Variants in RABGAP1 observed in about 807,000 individuals in gnomAD.
The protein encoded by RABGAP1 is rab GTPase-activating protein 1.
In RABGAP1, 23 loss-of-function variants were observed where a neutral mutation model predicts 137.6. The ratio of observed to expected loss-of-function variants is 0.17; its 90% CI spans 0.12 to 0.24. The LOEUF is 0.24. RABGAP1 is among the 10% of genes least tolerant of loss of function. The pLI, the probability that RABGAP1 is intolerant of heterozygous loss-of-function variation, is 1.00. For synonymous variants in RABGAP1, 451 were observed against 450.7 expected, an observed-to-expected ratio of 1.00 and a Z score of -0.01; for missense variants, 906 against 1,275.8, an observed-to-expected ratio of 0.71 and a Z score of 4.42.
chr9:122,950,373 CTTTCTTT>C (rs1834165457), intron 1 of RABGAP1, among the ~76,000 whole-genome samples: 2 of 48,800 alleles, frequency 4.1e-5, no homozygotes, highest in Non-Finnish European at 8.0e-5. Flanking sequence ...TTTTCTTTTT[CTTTCTTT>C]TTTTTTTTTT....
chr9:123,041,835 TA>T (rs747955087), intron 13 of RABGAP1, among the ~76,000 whole-genome samples: 10 of 152,144 alleles, frequency 6.6e-5, no homozygotes, highest in Admixed American at 3.9e-4. Flanking sequence ...GCATAGAGAC[TA>T]AAAAACAAGA....
chr9:123,035,280 G>A, intron 13 of RABGAP1: 2 of 1,614,178 alleles, frequency 1.2e-6, no homozygotes, highest in East Asian at 4.5e-5. Context: ...AGAGTGGGGA[G>A]ACTGGGGAAG....
chr9:123,083,690 T>C (rs1027913267), intron 19 of RABGAP1, among the ~76,000 whole-genome samples: 3 of 152,202 alleles, frequency 2.0e-5, no homozygotes, highest in African/African-American at 7.2e-5. Context: ...TTATTTCCAT[T>C]GGTGAAGAAT....
At chr9:123,064,555 T>G (rs990405495) in intron 13 of RABGAP1, among the ~76,000 whole-genome samples, 1 of 152,246 alleles carries the variant, frequency 6.6e-6, no homozygotes, top group Non-Finnish European at 1.5e-5. Flanking sequence ...CCAAGGGGAA[T>G]CAACTCTATT....
At position 122,942,678 on chromosome 9, in the gene RABGAP1, A is replaced by AAAAC. The variant is rs1284745086; in HGVS notation, c.-50+1588_-50+1589insCAAA. Among the ~76,000 whole-genome samples, 9 of 151,172 alleles carry AAAAC rather than the reference A, an allele frequency of 6.0e-5. 1 individual carries two copies. Among genetic ancestry groups the AAAAC allele is most frequent in the African/African-American group, 2.2e-4 (9 of 41,306 alleles). ...GAGCGAGACTCCGTCTCAAAAAAAA[A>AAAAC]AAAAAAAAAACACAAAAAAACAAAA... On this transcript the variant is annotated intron_variant, in intron 1 of 25. Coordinates refer to ENST00000373647, the MANE Select transcript of RABGAP1 (RefSeq NM_012197.4).
rs116263938 is a variant in RABGAP1, at chr9:123,045,502, G to A, written c.1795-19846G>A. ...CATTAACATCATTTTATAATACTGA[G>A]GATGTGTATTGTAGCCTATAGAACA... is the stretch of plus-strand genomic sequence containing the variant. On this transcript the variant is annotated intron_variant, in intron 13 of 25. Coordinates refer to ENST00000373647, the MANE Select transcript of RABGAP1 (RefSeq NM_012197.4). Among the ~76,000 whole-genome samples the A allele has an allele frequency of 5.2e-3, 787 of 152,182 alleles. 9 individuals are homozygous for A. The highest frequency in any genetic ancestry group is 0.018 in the African/African-American group (751 of 41,514).
rs1292972857 is a variant in RABGAP1 at position 123,010,337 on chromosome 9, A to AT, written c.1375-11dup. 3.2e-6 allele frequency: 5 copies of AT among 1,580,710 alleles called. No homozygotes were observed. Among genetic ancestry groups the AT allele is most frequent in the African/African-American group, 1.4e-5 (1 of 73,746 alleles). On this transcript the variant is annotated splice_polypyrimidine_tract_variant and intron_variant, in intron 10 of 25. Transcript: ENST00000373647. Reference sequence around the variant, plus strand: ...AGAACTTTACTGCTTAATAAATAATATTTTTTCATCTTCAAGATAAAGCAA... The same window carrying AT: ...AGAACTTTACTGCTTAATAAATAATATTTTTTTCATCTTCAAGATAAAGCAA...
intron 10 of RABGAP1, 53 bp downstream of exon 10, chr9:122,998,819 G>A (rs1363101504): frequency 9.1e-6 from 11 of 1,206,696 alleles, no homozygotes; most frequent in Admixed American, 4.7e-5. Flanking sequence ...GAGAAATCAC[G>A]TCTGAGGCTG....
At chr9:123,081,960 C>G (rs948063828) in intron 19 of RABGAP1, among the ~76,000 whole-genome samples, 1 of 152,004 alleles carries the variant, frequency 6.6e-6, no homozygotes, top group Admixed American at 6.6e-5. Flanking sequence ...TCCACTGTCT[C>G]TTACCATTGC....
At chr9:122,933,741 C>T in the RABGAP1 span, among the ~76,000 whole-genome samples, 1 of 152,022 alleles carries the variant, frequency 6.6e-6, no homozygotes, top group Admixed American at 6.6e-5. Context: ...TCTCCTGCCT[C>T]AGCCTCCCAA....
chr9:123,090,301 T>C lies in RABGAP1; in HGVS notation c.2544T>C (p.Ala848=), dbSNP rs1475357317. The part of the protein sequence containing the change: ...FERENRRLQE[A]NMRLEQENDD... Reference sequence around the variant, plus strand: ...GGGAGAATAGGCGTCTACAAGAAGCTAACATGAGGTTGGAACAGGAAAACG... The same window carrying C: ...GGGAGAATAGGCGTCTACAAGAAGCCAACATGAGGTTGGAACAGGAAAACG... The change falls in exon 21 of 26, where the codon GCT becomes GCC. Residue 848 remains alanine, a synonymous_variant. Transcript: ENST00000373647. The C allele has an allele frequency of 1.2e-6, 2 of 1,613,158 alleles. No individual in the cohort carries two copies. The highest frequency in any genetic ancestry group is 1.7e-5 in the Admixed American group (1 of 59,892).
chr9:122,934,171 G>T, the RABGAP1 span, among the ~76,000 whole-genome samples: 97 of 150,086 alleles, frequency 6.5e-4, no homozygotes, highest in African/African-American at 2.3e-3. Context: ...TCCGCCTCCC[G>T]GGTTCACGCC....
Position 123,103,218 on chromosome 9 carries a change from AGCTGC to A in RABGAP1, c.*6_*10del. The A allele has an allele frequency of 6.2e-7, 1 of 1,613,604 alleles. No individual in the cohort carries two copies. The highest frequency in any genetic ancestry group is 8.5e-7 in the Non-Finnish European group (1 of 1,179,796). ...CAAGGGAAAGAGACTTGCTGAGAGC[AGCTGC>A]CGCCTCCCGACACCTTCAGAAAACA... On this transcript the variant is annotated 3_prime_UTR_variant, in exon 26 of 26. Transcript: ENST00000373647.
rs532157473 is a variant in RABGAP1 at position 122,991,846 on chromosome 9, T to C, written c.923+1633T>C. Among the ~76,000 whole-genome samples the C allele has an allele frequency of 2.0e-5, 3 of 152,172 alleles. No individual in the cohort carries two copies. In the East Asian group the frequency reaches 5.8e-4, roughly 29 times the overall value. On this transcript the variant is annotated intron_variant, in intron 6 of 25. Coordinates refer to ENST00000373647, the MANE Select transcript of RABGAP1 (RefSeq NM_012197.4). ...GTCTTGAACTCGTGGTCTCAAGTGA[T>C]AGTCTCAGCTTGTCAAAGTGTTGGG...
chr9:123,081,178 A>G (rs1588391428), intron 19 of RABGAP1, among the ~76,000 whole-genome samples: 4 of 152,218 alleles, frequency 2.6e-5, no homozygotes, highest in Admixed American at 2.6e-4. Context: ...AATTCAGTAC[A>G]TAATACCTAT....
At chr9:122,998,082 A>AT (rs201010212) in intron 9 of RABGAP1, among the ~76,000 whole-genome samples, 3,083 of 151,588 alleles carry the variant, frequency 0.02, 99 homozygotes, top group African/African-American at 0.07. Flanking sequence ...TTTTTGTTTT[A>AT]TTTTTTTTAT....
chr9:123,042,814 A>G (rs1038988241), intron 13 of RABGAP1, among the ~76,000 whole-genome samples: 2 of 152,246 alleles, frequency 1.3e-5, no homozygotes, highest in African/African-American at 2.4e-5. Context: ...ACGTGTTTTC[A>G]TAATGAAAAG....
At position 123,077,610 on chromosome 9, in the gene RABGAP1, C is replaced by CATTGTATTGTATTGTATTGTATTGT. The variant is rs71508192; in HGVS notation, c.2424+907_2424+931dup. ...TCTTCTTGTGTTCATGTTATCATAA[C>CATTGTATTGTATTGTATTGTATTGT]ATTGTATTGTATTGTATTGTATTGT... On this transcript the variant is annotated intron_variant, in intron 19 of 25. Coordinates refer to ENST00000373647, the MANE Select transcript of RABGAP1 (RefSeq NM_012197.4). 8.2e-3 allele frequency among the ~76,000 whole-genome samples: 748 copies of CATTGTATTGTATTGTATTGTATTGT among 91,378 alleles called. 29 individuals carry two copies. Among genetic ancestry groups the CATTGTATTGTATTGTATTGTATTGT allele is most frequent in the Middle Eastern group, 0.027 (5 of 188 alleles). 59.9% of individuals were successfully genotyped at this position (91,378 alleles called of 152,430 possible).
intron 12 of RABGAP1, among the ~76,000 whole-genome samples, chr9:123,017,534 G>T (rs1393828889): frequency 2.0e-5 from 3 of 152,032 alleles, no homozygotes; most frequent in Admixed American, 2.0e-4. Flanking sequence ...TGTTCTATGG[G>T]TAAGAAGCAT....
Sources: gnomAD v4.1 joint callset for allele counts (sites outside exome capture counted in the v4.1 genomes callset) on GRCh38, gnomAD v4.1.1 for gene constraint, MANE v1.5 for transcripts, NCBI Gene and HGNC (gene_info 2026-07-23, HGNC 2026-07-21) for gene names.